MDGA2: variants seen among roughly 807,000 people sequenced by gnomAD.
MDGA2 encodes MAM domain containing glycosylphosphatidylinositol anchor 2, also known as MAM domain-containing glycosylphosphatidylinositol anchor protein 2.
A neutral mutation model predicts 117.8 loss-of-function variants in MDGA2; 40 were observed. The observed-to-expected ratio is 0.34, with a 90% confidence interval of 0.26 to 0.44. MDGA2 has a LOEUF of 0.44. Among genes scored for constraint, MDGA2 ranks in the 20% least tolerant of loss-of-function variants. The pLI is 1.00. For synonymous variants in MDGA2, 452 were observed against 439.0 expected, an observed-to-expected ratio of 1.03 and a Z score of -0.37; for missense variants, 1,123 against 1,250.6, an observed-to-expected ratio of 0.90 and a Z score of 1.54.
chr14:46,917,837 CA>C (rs1192574012), intron 10 of MDGA2, among the ~76,000 whole-genome samples: 1 of 151,904 alleles, frequency 6.6e-6, no homozygotes, highest in Non-Finnish European at 1.5e-5. Flanking sequence ...CATTTCCCAG[CA>C]AAAAATATTA....
chr14:47,339,588 C>T (rs1890559965), intron 1 of MDGA2, among the ~76,000 whole-genome samples: 1 of 152,062 alleles, frequency 6.6e-6, no homozygotes, highest in Non-Finnish European at 1.5e-5. Context: ...CTAGGCATCA[C>T]CTCCAACTTG....
At chr14:46,931,958 A>T (rs1884595684) in intron 9 of MDGA2, among the ~76,000 whole-genome samples, 1 of 148,808 alleles carries the variant, frequency 6.7e-6, no homozygotes. Context: ...TATCAAAAAT[A>T]TCGATGGAAT....
At chr14:47,166,921 G>C (rs1883903461) in intron 3 of MDGA2, among the ~76,000 whole-genome samples, 1 of 152,124 alleles carries the variant, frequency 6.6e-6, no homozygotes, top group Non-Finnish European at 1.5e-5. Context: ...TGACAAGACA[G>C]TGTGTGTGTC....
chr14:47,572,493 A>C (rs1269383878), intron 1 of MDGA2, among the ~76,000 whole-genome samples: 1 of 152,206 alleles, frequency 6.6e-6, no homozygotes, highest in Non-Finnish European at 1.5e-5. Flanking sequence ...ACCCGATTCA[A>C]ACATAAGAAT....
chr14:47,349,545 A>G (rs1349367034), intron 1 of MDGA2, among the ~76,000 whole-genome samples: 1 of 152,172 alleles, frequency 6.6e-6, no homozygotes, highest in African/African-American at 2.4e-5. Flanking sequence ...CAACTATACT[A>G]TCTCCTTAAA....
At chr14:47,461,695 AT>A (rs759485579) in intron 1 of MDGA2, among the ~76,000 whole-genome samples, 4 of 152,016 alleles carry the variant, frequency 2.6e-5, no homozygotes, top group African/African-American at 9.7e-5. Flanking sequence ...AACGAAAAAA[AT>A]AAAAACAAAA....
chr14:47,611,503 A>C (rs1454723418), intron 1 of MDGA2, among the ~76,000 whole-genome samples: 1 of 152,084 alleles, frequency 6.6e-6, no homozygotes, highest in Non-Finnish European at 1.5e-5. Flanking sequence ...AACTCAAAAA[A>C]AATCAGCAAA....
At chr14:47,543,881 G>A (rs1895403836) in intron 1 of MDGA2, among the ~76,000 whole-genome samples, 1 of 152,128 alleles carries the variant, frequency 6.6e-6, no homozygotes, top group African/African-American at 2.4e-5. Flanking sequence ...AACCTTCTCT[G>A]CCAGAGTCCA....
At chr14:47,521,460 A>G (rs1371488236) in intron 1 of MDGA2, among the ~76,000 whole-genome samples, 1 of 152,180 alleles carries the variant, frequency 6.6e-6, no homozygotes, top group Non-Finnish European at 1.5e-5. Context: ...AAATAAACAG[A>G]AAATTCTACA....
chr14:47,618,421 T>A (rs1896986498), intron 1 of MDGA2, among the ~76,000 whole-genome samples: 1 of 152,148 alleles, frequency 6.6e-6, no homozygotes, highest in Non-Finnish European at 1.5e-5. Flanking sequence ...TACCTGTCCA[T>A]CAAGTCTGTG....
chr14:47,293,763 G>A (rs1045693207), intron 2 of MDGA2, among the ~76,000 whole-genome samples: 30 of 152,194 alleles, frequency 2.0e-4, no homozygotes, highest in African/African-American at 7.2e-4. Flanking sequence ...TAGTAGATAG[G>A]TAAATATGAT....
chr14:47,632,185 G>A (rs745344135), intron 1 of MDGA2, among the ~76,000 whole-genome samples: 14 of 152,028 alleles, frequency 9.2e-5, no homozygotes, highest in Non-Finnish European at 1.6e-4. Context: ...ATATGTCCAA[G>A]GGCAAACTCA....
intron 2 of MDGA2, among the ~76,000 whole-genome samples, chr14:47,278,810 C>CT (rs2139727750): frequency 6.6e-6 from 1 of 152,184 alleles, no homozygotes; most frequent in African/African-American, 2.4e-5. Context: ...TTATTATTAG[C>CT]TTTTTGTATG....
chr14:47,642,071 A>G (rs564341350), intron 1 of MDGA2, among the ~76,000 whole-genome samples: 1 of 152,074 alleles, frequency 6.6e-6, no homozygotes, highest in Admixed American at 6.5e-5. Flanking sequence ...GGGTAAAATA[A>G]GGAGGGGAGA....
chr14:47,390,250 A>G (rs1185944094), intron 1 of MDGA2, among the ~76,000 whole-genome samples: 5 of 152,140 alleles, frequency 3.3e-5, no homozygotes, highest in African/African-American at 1.2e-4. Flanking sequence ...TTCTCTTTGC[A>G]ATATATGTAA....
chr14:47,539,130 T>C (rs1895285569), intron 1 of MDGA2, among the ~76,000 whole-genome samples: 1 of 152,120 alleles, frequency 6.6e-6, no homozygotes, highest in East Asian at 1.9e-4. Flanking sequence ...AGTCAGAGCA[T>C]TGGAGCTTGC....
intron 2 of MDGA2, among the ~76,000 whole-genome samples, chr14:47,251,332 C>A (rs1299810976): frequency 3.9e-5 from 6 of 152,202 alleles, no homozygotes; most frequent in Admixed American, 3.9e-4. Flanking sequence ...AGCAAGATAA[C>A]TCTGTCTGTA....
At chr14:47,398,889 C>G (rs1023333352) in intron 1 of MDGA2, among the ~76,000 whole-genome samples, 1 of 152,054 alleles carries the variant, frequency 6.6e-6, no homozygotes, top group African/African-American at 2.4e-5. Flanking sequence ...GTTGCTTCTT[C>G]AAAAACATTT....
In MDGA2 at chr14:46,907,906, C is replaced by G. The variant is rs556251506; in HGVS notation, c.2238+12106G>C. ...TTTTCCTGAGTACGTAGTTAAGGTA[C>G]TTTCTGTCTTCTCCTTAGCTCAGAA... is the stretch of plus-strand genomic sequence containing the variant. On this transcript the variant is annotated intron_variant, in intron 10 of 16. Coordinates refer to ENST00000399232, the MANE Select transcript of MDGA2 (RefSeq NM_001113498.3). Among the ~76,000 whole-genome samples, 9 of 152,232 alleles carry G rather than the reference C, an allele frequency of 5.9e-5. 1 individual carries two copies. Among genetic ancestry groups the G allele is most frequent in the African/African-American group, 1.9e-4 (8 of 41,542 alleles).
Sources: gnomAD v4.1 joint callset for allele counts (sites outside exome capture counted in the v4.1 genomes callset) on GRCh38, gnomAD v4.1.1 for gene constraint, MANE v1.5 for transcripts, NCBI Gene and HGNC (gene_info 2026-07-23, HGNC 2026-07-21) for gene names.